Variants in LGALS8 observed in about 807,000 individuals in gnomAD.
LGALS8 encodes the protein galectin-8.
Under a neutral mutation model 35.9 loss-of-function variants are expected in LGALS8, and 30 were observed. The observed-to-expected ratio is 0.83, with a 90% CI of 0.62 to 1.13. The LOEUF is 1.13. Among genes scored for constraint, LGALS8 ranks in the 50% most tolerant of loss-of-function variants. The pLI is 0.00. For missense variants in LGALS8, 366 were observed against 388.7 expected, an observed-to-expected ratio of 0.94 and a Z score of 0.49; for synonymous variants, 138 against 136.1, an observed-to-expected ratio of 1.01 and a Z score of -0.10.
In LGALS8 at chr1:236,550,763, A is replaced by G. The variant is rs1572026597; in HGVS notation, c.*2602A>G. On this transcript the variant is annotated 3_prime_UTR_variant, in exon 10 of 10. Coordinates refer to ENST00000366584, the MANE Select transcript of LGALS8 (RefSeq NM_201544.4). ...GCACAAGCCAGGTGGGGATTTTGTA[A>G]AGAAGTGATAAAACATTTGTAAGTA... 3.1e-6 allele frequency: 2 copies of G among 637,574 alleles called. No homozygotes were observed. The highest frequency in any genetic ancestry group is 5.6e-5 in the East Asian group (2 of 35,680). The allele number at this position is 637,574 out of a possible 1,614,324, so 39.5% of individuals were successfully genotyped here. A position where few individuals can be genotyped will look rare whatever the true frequency, so the allele number is the denominator to read the frequency against.
intron 9 of LGALS8, among the ~76,000 whole-genome samples, chr1:236,546,350 C>A (rs1347699882): frequency 6.6e-6 from 1 of 152,236 alleles, no homozygotes; most frequent in Non-Finnish European, 1.5e-5. Context: ...TAGGTCCTTT[C>A]CGGGGGCTTC....
chr1:236,524,304 T>C, intron 1 of LGALS8: 1 of 456,308 alleles, frequency 2.2e-6, no homozygotes, highest in South Asian at 1.5e-5. Context: ...TTATCAGGAG[T>C]CGCGGCCTTT....
At chr1:236,531,419 G>T (rs1039208605) in intron 2 of LGALS8, among the ~76,000 whole-genome samples, 5 of 152,132 alleles carry the variant, frequency 3.3e-5, no homozygotes, top group African/African-American at 1.2e-4. Context: ...CGCCTCCCGG[G>T]TTCACACCAT....
upstream of LGALS8, among the ~76,000 whole-genome samples, chr1:236,519,181 G>C (rs1447178616): frequency 1.3e-5 from 2 of 151,462 alleles, no homozygotes; most frequent in African/African-American, 4.9e-5. Context: ...TTGAGCCCAG[G>C]AGTTCAAGAC....
intron 2 of LGALS8, chr1:236,536,461 T>A (rs1661511434): frequency 6.6e-6 from 1 of 152,434 alleles, no homozygotes; most frequent in Admixed American, 6.5e-5. Context: ...AAAAAAGGGC[T>A]GGGTTCTGGG....
At position 236,551,907 on chromosome 1, in the gene LGALS8, T is replaced by A; in HGVS notation, c.*3746T>A. 1 of 848,464 alleles carries A rather than the reference T, an allele frequency of 1.2e-6. No homozygotes were observed. Among genetic ancestry groups the A allele is most frequent in the South Asian group, 1.5e-5 (1 of 66,734 alleles). The allele number at this position is 848,464 out of a possible 1,614,324, so 52.6% of individuals were successfully genotyped here. The stretch of plus-strand genomic sequence containing the variant: ...TGGATCAACTGCTAGTCACGTTATA[T>A]CCAAATCTGCATTATCATTGGGCAC... On this transcript the variant is annotated 3_prime_UTR_variant, in exon 10 of 10. Coordinates refer to ENST00000366584, the MANE Select transcript of LGALS8 (RefSeq NM_201544.4).
chr1:236,548,477 A>C lies in LGALS8; in HGVS notation c.*316A>C. On this transcript the variant is annotated 3_prime_UTR_variant, in exon 10 of 10. Transcript: ENST00000366584. ...TACTATAATACAGTAGCTAACATGT[A>C]TTGAGCACAGATTTTTTTTGGTAAA... The C allele has an allele frequency of 3.3e-6, 1 of 305,260 alleles. No individual in the cohort carries two copies. The highest frequency in any genetic ancestry group is 7.0e-5 in the South Asian group (1 of 14,348). The allele number at this position is 305,260 out of a possible 1,614,324, so 18.9% of individuals were successfully genotyped here. A position where few individuals can be genotyped will look rare whatever the true frequency, so the allele number is the denominator to read the frequency against.
At position 236,549,148 on chromosome 1, in the gene LGALS8, C is replaced by T. The variant is rs535572535; in HGVS notation, c.*987C>T. The T allele has an allele frequency of 1.2e-4, 48 of 396,138 alleles. 1 individual carries two copies. In the South Asian group the frequency reaches 6.5e-3, roughly 54 times the overall value. 24.5% of individuals were successfully genotyped at this position (396,138 alleles called of 1,614,324 possible). A position where few individuals can be genotyped will look rare whatever the true frequency, so the allele number is the denominator to read the frequency against. On this transcript the variant is annotated 3_prime_UTR_variant, in exon 10 of 10. Transcript: ENST00000366584. The stretch of plus-strand genomic sequence containing the variant: ...GGTAATGCAGAAATCTGTTTTGTTC[C>T]CATGAAATCACCAATCAAGGCCTCC...
At chr1:236,529,720 C>G (rs1341423116) in intron 2 of LGALS8, among the ~76,000 whole-genome samples, 1 of 140,878 alleles carries the variant, frequency 7.1e-6, no homozygotes, top group Non-Finnish European at 1.5e-5. Context: ...GCAATCTCGG[C>G]TCACTGCCAC....
chr1:236,535,606 G>A (rs1661440084), intron 2 of LGALS8, among the ~76,000 whole-genome samples: 1 of 152,180 alleles, frequency 6.6e-6, no homozygotes, highest in African/African-American at 2.4e-5. Flanking sequence ...GGAACCAGCT[G>A]TGACCCAAAA....
rs1451161668 is a variant in LGALS8 at position 236,550,060 on chromosome 1, C to T, written c.*1899C>T. 3.3e-5 allele frequency: 5 copies of T among 152,128 alleles called. No individual in the cohort carries two copies. Among genetic ancestry groups the T allele is most frequent in the African/African-American group, 4.8e-5 (2 of 41,426 alleles). The allele number at this position is 152,128 out of a possible 1,614,324, so 9.4% of individuals were successfully genotyped here. The stretch of plus-strand genomic sequence containing the variant: ...GGGCAGATCTAATTTTATTTGAACC[C>T]TCACTTTCCAACTTCACCATGACCC... On this transcript the variant is annotated 3_prime_UTR_variant, in exon 10 of 10. Coordinates refer to ENST00000366584, the MANE Select transcript of LGALS8 (RefSeq NM_201544.4).
chr1:236,539,602 C>T (rs28704525), intron 4 of LGALS8, among the ~76,000 whole-genome samples: 92,684 of 151,724 alleles, frequency 0.61, 29,197 homozygotes, highest in Non-Finnish European at 0.69. Flanking sequence ...TGTATGTGTA[C>T]GGTTGAATTT....
chr1:236,524,277 C>T (rs1306385087), intron 1 of LGALS8: 1 of 455,994 alleles, frequency 2.2e-6, no homozygotes, highest in Non-Finnish European at 4.4e-6. Context: ...AGGCGAGGCG[C>T]TCCGGGGCAT....
At position 236,550,608 on chromosome 1, in the gene LGALS8, A is replaced by G. The variant is rs1322380133; in HGVS notation, c.*2447A>G. 1 of 314,844 alleles carries G rather than the reference A, an allele frequency of 3.2e-6. No homozygotes were observed. The highest frequency in any genetic ancestry group is 5.8e-6 in the Non-Finnish European group (1 of 172,996). The allele number at this position is 314,844 out of a possible 1,614,324, so 19.5% of individuals were successfully genotyped here. A position where few individuals can be genotyped will look rare whatever the true frequency, so the allele number is the denominator to read the frequency against. On this transcript the variant is annotated 3_prime_UTR_variant, in exon 10 of 10. Coordinates refer to ENST00000366584, the MANE Select transcript of LGALS8 (RefSeq NM_201544.4). ...TTTGGGTGCTAAAATTAACAAGTCT[A>G]ATATTATTACCATCAATCAGGAAGA...
At chr1:236,547,444 T>TATCAGG (rs1215891259) in intron 9 of LGALS8, among the ~76,000 whole-genome samples, 1 of 152,148 alleles carries the variant, frequency 6.6e-6, no homozygotes, top group African/African-American at 2.4e-5. Context: ...GTGCTGAGCT[T>TATCAGG]ATCAGGATCA....
Position 236,548,319 on chromosome 1 carries a change from G to A in LGALS8, c.*158G>A, listed in dbSNP as rs1227732397. ...GGGTGTTCTCAGTCCTTGCCATGAAGTATGGTGGTGTCTAGCACTGAATGG... is the reference window on the plus strand; with the variant it reads ...GGGTGTTCTCAGTCCTTGCCATGAAATATGGTGGTGTCTAGCACTGAATGG... On this transcript the variant is annotated 3_prime_UTR_variant, in exon 10 of 10. Transcript: ENST00000366584. 8.7e-6 allele frequency: 6 copies of A among 687,034 alleles called. No homozygotes were observed. The highest frequency in any genetic ancestry group is 5.7e-5 in the South Asian group (3 of 52,534). 42.6% of individuals were successfully genotyped at this position (687,034 alleles called of 1,614,324 possible).
rs573074053 is a variant in LGALS8, at chr1:236,526,331, T to G, written c.45+216T>G. 50 of 406,828 alleles carry G rather than the reference T, an allele frequency of 1.2e-4. No individual in the cohort carries two copies. Among genetic ancestry groups the G allele is most frequent in the Non-Finnish European group, 8.8e-6 (2 of 227,070 alleles). 25.2% of individuals were successfully genotyped at this position (406,828 alleles called of 1,614,324 possible). A position where few individuals can be genotyped will look rare whatever the true frequency, so the allele number is the denominator to read the frequency against. ...ATGATAATATGACGTGATGAAACAGTGTTATGAACAGGGAACGTCTGGGTA... is the reference window on the plus strand; with the variant it reads ...ATGATAATATGACGTGATGAAACAGGGTTATGAACAGGGAACGTCTGGGTA... On this transcript the variant is annotated intron_variant, in intron 2 of 9. Coordinates refer to ENST00000366584, the MANE Select transcript of LGALS8 (RefSeq NM_201544.4). The surrounding 1 kb of genome is among the most constrained non-coding windows in gnomAD (Gnocchi z 4.6).
In LGALS8 at chr1:236,549,215, C is replaced by A. The variant is rs978482029; in HGVS notation, c.*1054C>A. On this transcript the variant is annotated 3_prime_UTR_variant, in exon 10 of 10. Transcript: ENST00000366584. ...GTCCATCATCATTAGCAACTGAGAT[C>A]AAAGCACTCTTCCACTTTACGTGAT... 1.0e-5 allele frequency: 4 copies of A among 383,380 alleles called. No homozygotes were observed. Among genetic ancestry groups the A allele is most frequent in the Middle Eastern group, 6.5e-4 (1 of 1,528 alleles). The allele number at this position is 383,380 out of a possible 1,614,324, so 23.7% of individuals were successfully genotyped here.
chr1:236,537,667 A>C (rs1661632618), intron 3 of LGALS8, 82 bp downstream of exon 3: 1 of 1,029,316 alleles, frequency 9.7e-7, no homozygotes, highest in African/African-American at 1.5e-5. Context: ...AAGGCGGGAG[A>C]GACCATTTGA....
Sources: allele counts gnomAD v4.1 joint callset (sites outside exome capture counted in the v4.1 genomes callset), GRCh38; gene constraint gnomAD v4.1.1; non-coding constraint Gnocchi (gnomAD v3.1); transcripts MANE v1.5; gene names NCBI Gene and HGNC (gene_info 2026-07-23, HGNC 2026-07-21).